EPHA6: variants seen among roughly 807,000 people sequenced by gnomAD.
EPHA6 encodes ephrin type-A receptor 6.
Under a neutral mutation model 112.0 loss-of-function variants are expected in EPHA6, and 50 were observed. The ratio of observed to expected loss-of-function variants is 0.45; its 90% CI spans 0.36 to 0.56. The LOEUF is 0.56. Ranked by LOEUF, EPHA6 falls within the 20% of genes least tolerant of loss-of-function variation. EPHA6 has a pLI of 0.00. For synonymous variants in EPHA6, 529 were observed against 490.7 expected, an observed-to-expected ratio of 1.08 and a Z score of -1.03; for missense variants, 1,280 against 1,417.4, an observed-to-expected ratio of 0.90 and a Z score of 1.56.
At chr3:97,044,040 C>T (rs867620451) in intron 3 of EPHA6, among the ~76,000 whole-genome samples, 1 of 152,180 alleles carries the variant, frequency 6.6e-6, no homozygotes, top group Admixed American at 6.5e-5. Context: ...GGCCTTTCAG[C>T]CAATGGATGA....
At chr3:97,642,156 G>T (rs980713929) in intron 14 of EPHA6, among the ~76,000 whole-genome samples, 11 of 121,382 alleles carry the variant, frequency 9.1e-5, no homozygotes, top group African/African-American at 3.4e-4. Flanking sequence ...AGCCTAACTG[G>T]GAGGCACCCC....
chr3:97,161,658 A>G (rs775388840), intron 3 of EPHA6, among the ~76,000 whole-genome samples: 12 of 151,828 alleles, frequency 7.9e-5, no homozygotes, highest in Non-Finnish European at 1.3e-4. Context: ...GCAACAACTT[A>G]CCCTTCACCT....
chr3:96,831,088 C>T (rs1007015857), intron 1 of EPHA6, among the ~76,000 whole-genome samples: 22 of 151,846 alleles, frequency 1.4e-4, no homozygotes, highest in Non-Finnish European at 1.8e-4. Context: ...ATTTTATATT[C>T]CTTCGATATT....
intron 5 of EPHA6, among the ~76,000 whole-genome samples, chr3:97,297,849 C>T (rs1439585664): frequency 6.6e-6 from 1 of 152,084 alleles, no homozygotes; most frequent in Non-Finnish European, 1.5e-5. Context: ...CTGCAACCTC[C>T]ACTGCCCCAG....
chr3:97,203,395 A>G (rs1295483203), intron 3 of EPHA6, among the ~76,000 whole-genome samples: 1 of 152,110 alleles, frequency 6.6e-6, no homozygotes, highest in Non-Finnish European at 1.5e-5. Flanking sequence ...TGAGGCAATT[A>G]GGAGACCACA....
At chr3:97,331,996 C>A (rs1363922517) in intron 5 of EPHA6, among the ~76,000 whole-genome samples, 2 of 152,028 alleles carry the variant, frequency 1.3e-5, no homozygotes, top group African/African-American at 4.8e-5. Flanking sequence ...AACATCGATG[C>A]AAAAATCCTC....
At chr3:96,850,319 G>T (rs999459065) in intron 1 of EPHA6, among the ~76,000 whole-genome samples, 1 of 152,064 alleles carries the variant, frequency 6.6e-6, no homozygotes. Flanking sequence ...GACTGCACCA[G>T]GAGATAGCCC....
intron 3 of EPHA6, among the ~76,000 whole-genome samples, chr3:97,028,927 AAT>A (rs980013266): frequency 5.3e-5 from 8 of 151,904 alleles, no homozygotes; most frequent in African/African-American, 1.9e-4. Flanking sequence ...CCTCAGAGTT[AAT>A]ATATGTCTTC....
intron 5 of EPHA6, among the ~76,000 whole-genome samples, chr3:97,270,722 G>T (rs73133039): frequency 2.4e-4 from 37 of 152,294 alleles, no homozygotes; most frequent in Non-Finnish European, 3.5e-4. Flanking sequence ...TCAGTAACAA[G>T]GTTGCCCAGT....
chr3:97,176,443 T>C (rs763636374), intron 3 of EPHA6, among the ~76,000 whole-genome samples: 1 of 151,920 alleles, frequency 6.6e-6, no homozygotes, highest in Non-Finnish European at 1.5e-5. Flanking sequence ...CCTCCTTCTC[T>C]GCTCTTCAGA....
intron 3 of EPHA6, among the ~76,000 whole-genome samples, chr3:97,056,568 C>A (rs1356897046): frequency 1.3e-5 from 2 of 152,132 alleles, no homozygotes; most frequent in Non-Finnish European, 2.9e-5. Flanking sequence ...TGTATAACGC[C>A]AGAAGTAGAA....
intron 14 of EPHA6, among the ~76,000 whole-genome samples, chr3:97,642,143 A>G (rs1341465805): frequency 7.9e-6 from 1 of 126,802 alleles, no homozygotes; most frequent in Non-Finnish European, 1.7e-5. Flanking sequence ...CTGACCCCCG[A>G]GCAGCCTAAC....
At chr3:97,044,585 A>T (rs1467536313) in intron 3 of EPHA6, among the ~76,000 whole-genome samples, 1 of 152,162 alleles carries the variant, frequency 6.6e-6, no homozygotes, top group Non-Finnish European at 1.5e-5. Context: ...CTGGCCTAAC[A>T]TAAAGATACC....
At position 97,503,095 on chromosome 3, in the gene EPHA6, A is replaced by G. The variant is rs140517967; in HGVS notation, c.2200+19036A>G. Among the ~76,000 whole-genome samples the G allele has an allele frequency of 6.5e-3, 989 of 152,124 alleles. 11 individuals are homozygous for G. Among genetic ancestry groups the G allele is most frequent in the African/African-American group, 0.022 (910 of 41,548 alleles). On this transcript the variant is annotated intron_variant, in intron 10 of 17. Coordinates refer to ENST00000389672, the MANE Select transcript of EPHA6 (RefSeq NM_001080448.3). ...ATTTAAAAATCAATAGGAAAATACT[A>G]TAAACAGCTTTGTTACAATAAATGT...
chr3:97,307,030 A>T (rs570169960), intron 5 of EPHA6, among the ~76,000 whole-genome samples: 6 of 151,882 alleles, frequency 4.0e-5, no homozygotes, highest in South Asian at 2.1e-4. Flanking sequence ...TCTAACATCA[A>T]ATTGAGCTAT....
At chr3:97,596,617 A>G (rs1275482456) in intron 12 of EPHA6, among the ~76,000 whole-genome samples, 5 of 151,700 alleles carry the variant, frequency 3.3e-5, no homozygotes, top group Non-Finnish European at 7.4e-5. Context: ...AGACCAACCT[A>G]TAAGATGTAA....
chr3:97,659,027 A>G (rs987589229), intron 14 of EPHA6, among the ~76,000 whole-genome samples: 4 of 151,958 alleles, frequency 2.6e-5, no homozygotes, highest in African/African-American at 9.7e-5. Flanking sequence ...TTTACTTAGT[A>G]TGTATATTTA....
At chr3:96,920,016 A>T in intron 2 of EPHA6, among the ~76,000 whole-genome samples, 1 of 151,940 alleles carries the variant, frequency 6.6e-6, no homozygotes, top group East Asian at 1.9e-4. Context: ...CAAGTAAATG[A>T]CTTTGGAGCA....
chr3:97,734,271 C>T (rs2035160938), intron 15 of EPHA6, among the ~76,000 whole-genome samples: 1 of 151,968 alleles, frequency 6.6e-6, no homozygotes, highest in African/African-American at 2.4e-5. Flanking sequence ...AGTGGGATTT[C>T]AATGTTGTTT....
Sources: allele counts gnomAD v4.1 joint callset (sites outside exome capture counted in the v4.1 genomes callset), GRCh38; gene constraint gnomAD v4.1.1; transcripts MANE v1.5; gene names NCBI Gene and HGNC (gene_info 2026-07-23, HGNC 2026-07-21).